Variants in LRRK2 observed in about 807,000 individuals in gnomAD.
LRRK2 encodes the protein leucine-rich repeat serine/threonine-protein kinase 2.
A neutral mutation model predicts 302.6 loss-of-function variants in LRRK2; 203 were observed. The observed-to-expected ratio is 0.67, with a 90% confidence interval of 0.60 to 0.75. LRRK2 has a LOEUF of 0.75. Ranked by LOEUF, LRRK2 falls within the 30% of genes least tolerant of loss-of-function variation. The probability of loss-of-function intolerance (pLI) is 0.00; values close to 1 mark genes in which losing one functional copy is unlikely to be tolerated. For synonymous variants in LRRK2, 1,066 were observed against 1,031.9 expected (o/e 1.03, Z -0.63); for missense variants, 2,830 against 2,951.0 (o/e 0.96, Z 0.95).
intron 25 of LRRK2, among the ~76,000 whole-genome samples, chr12:40,299,566 G>T (rs1944543730): frequency 6.6e-6 from 1 of 152,080 alleles, no homozygotes; most frequent in African/African-American, 2.4e-5. Context: ...AAGATCAATG[G>T]TTGTCAGGGG....
At chr12:40,346,137 A>G (rs1946185370) in intron 41 of LRRK2, among the ~76,000 whole-genome samples, 1 of 152,156 alleles carries the variant, frequency 6.6e-6, no homozygotes, top group Non-Finnish European at 1.5e-5. Context: ...ATGGAATAAA[A>G]TATTTATTTC....
intron 20 of LRRK2, among the ~76,000 whole-genome samples, chr12:40,293,315 C>A (rs1238115415): frequency 6.6e-6 from 1 of 151,846 alleles, no homozygotes; most frequent in East Asian, 1.9e-4. Flanking sequence ...TCTGTAACAG[C>A]CATTCTATAA....
chr12:40,240,135 C>T (rs1012979141), intron 5 of LRRK2, among the ~76,000 whole-genome samples: 1 of 152,140 alleles, frequency 6.6e-6, no homozygotes, highest in Non-Finnish European at 1.5e-5. Flanking sequence ...TGCAATATGT[C>T]CAGTTCCAGT....
At chr12:40,357,963 C>T (rs1392177039) in intron 46 of LRRK2, among the ~76,000 whole-genome samples, 2 of 151,966 alleles carry the variant, frequency 1.3e-5, no homozygotes, top group Non-Finnish European at 2.9e-5. Context: ...AGATGCGGCT[C>T]CACTATGTTG....
At chr12:40,336,446 A>C (rs1166080952) in intron 40 of LRRK2, among the ~76,000 whole-genome samples, 1 of 152,212 alleles carries the variant, frequency 6.6e-6, no homozygotes, top group East Asian at 1.9e-4. Context: ...CCATGAAAGA[A>C]GGGACTTTTC....
chr12:40,264,334 T>C (rs1942910927), intron 14 of LRRK2, among the ~76,000 whole-genome samples: 2 of 152,144 alleles, frequency 1.3e-5, no homozygotes, highest in South Asian at 4.1e-4. Flanking sequence ...AACAGTAAAG[T>C]CTTCGGCTGG....
intron 3 of LRRK2, among the ~76,000 whole-genome samples, chr12:40,234,369 C>CTTTTTTTTTTTTTT (rs35906443): frequency 4.6e-5 from 2 of 43,072 alleles, no homozygotes; most frequent in African/African-American, 1.9e-4. Flanking sequence ...GCTAAATTCA[C>CTTTTTTTTTTTTTT]TTTTTTTTTT....
At chr12:40,240,757 A>G in intron 6 of LRRK2, 140 bp downstream of exon 6, 1 of 916,248 alleles carries the variant, frequency 1.1e-6, no homozygotes, top group Non-Finnish European at 1.7e-6. Context: ...TCATTTAATT[A>G]ATTTACATTC....
At chr12:40,263,665 A>G in intron 13 of LRRK2, 124 bp from the exon 14 acceptor site, 2 of 615,200 alleles carry the variant, frequency 3.3e-6, no homozygotes, top group African/African-American at 1.8e-5. Context: ...GGAAACATGT[A>G]CTAGAAAAAA....
chr12:40,351,206 A>G (rs1946341237), intron 43 of LRRK2, among the ~76,000 whole-genome samples: 1 of 152,172 alleles, frequency 6.6e-6, no homozygotes. Context: ...TTTTTCTCTC[A>G]CTGGCGGTGG....
At chr12:40,328,553 T>C (rs981633765) in intron 39 of LRRK2, 93 bp downstream of exon 39, 11 of 926,508 alleles carry the variant, frequency 1.2e-5, no homozygotes, top group Non-Finnish European at 1.7e-5. Context: ...TGCAAAATAA[T>C]GACCACATTT....
chr12:40,299,407 T>C (rs1267712268), intron 25 of LRRK2, 150 bp downstream of exon 25: 5 of 848,928 alleles, frequency 5.9e-6, no homozygotes, highest in Non-Finnish European at 9.4e-6. Flanking sequence ...AGGTTGGCAA[T>C]AAAACAAAAT....
chr12:40,254,979 G>GA (rs1942438139), intron 11 of LRRK2, among the ~76,000 whole-genome samples: 1 of 152,090 alleles, frequency 6.6e-6, no homozygotes, highest in Non-Finnish European at 1.5e-5. Context: ...TATGTTTTTA[G>GA]AAAAAATGGC....
chr12:40,295,426 G>C lies in LRRK2; in HGVS notation c.2879-1G>C, dbSNP rs1424227058. The C allele has an allele frequency of 2.5e-6, 4 of 1,610,750 alleles. No homozygotes were observed. In the Admixed American group the frequency reaches 5.0e-5, roughly 20 times the overall value. ...CATTGTTTGTTTGTTTTTGACAAAA[G>C]GGTCATCAAAACTTCAATCCCATAT... On this transcript the variant is annotated splice_acceptor_variant, in intron 22 of 50. Transcript: ENST00000298910. LOFTEE classifies it high-confidence loss of function.
chr12:40,334,859 A>C, intron 39 of LRRK2, 108 bp from the exon 40 acceptor site: 1 of 1,217,060 alleles, frequency 8.2e-7, no homozygotes. Context: ...GCTATGATCC[A>C]GTCATACAGA....
At chr12:40,259,363 T>C in intron 12 of LRRK2, 117 bp from the exon 13 acceptor site, 1 of 1,291,010 alleles carries the variant, frequency 7.7e-7, no homozygotes, top group Non-Finnish European at 1.1e-6. Flanking sequence ...TGCATTTTCA[T>C]ATAGTCTTTC....
At chr12:40,340,484 A>G (rs72547986) in intron 41 of LRRK2, 30 bp downstream of exon 41, 137 of 1,611,466 alleles carry the variant, frequency 8.5e-5, no homozygotes, top group African/African-American at 4.0e-4. Context: ...TCATAATTCT[A>G]TCTTCAGGAT....
intron 38 of LRRK2, among the ~76,000 whole-genome samples, chr12:40,325,623 C>T (rs17520202): frequency 2.0e-4 from 30 of 152,274 alleles, no homozygotes; most frequent in African/African-American, 6.7e-4. Flanking sequence ...GGGTTGAATA[C>T]CAGTGATTTA....
intron 20 of LRRK2, among the ~76,000 whole-genome samples, chr12:40,291,058 A>G (rs1447452630): frequency 6.6e-6 from 1 of 152,146 alleles, no homozygotes; most frequent in Admixed American, 6.6e-5. Flanking sequence ...GACTGGATTA[A>G]GAAAATGTGG....
Sources: allele counts gnomAD v4.1 joint callset (sites outside exome capture counted in the v4.1 genomes callset), GRCh38; gene constraint gnomAD v4.1.1; transcripts MANE v1.5; gene names NCBI Gene and HGNC (gene_info 2026-07-23, HGNC 2026-07-21).